Variants in TMEFF2 observed in about 807,000 individuals in gnomAD.
TMEFF2 encodes the protein transmembrane protein with EGF like and two follistatin like domains 2.
Under a neutral mutation model 53.8 loss-of-function variants are expected in TMEFF2, and 28 were observed. The observed-to-expected ratio is 0.52, with a 90% CI of 0.39 to 0.71. The LOEUF (loss-of-function observed/expected upper bound fraction) is 0.71, where lower values mean the gene tolerates loss of function less well. Among genes scored for constraint, TMEFF2 ranks in the 30% least tolerant of loss-of-function variants. TMEFF2 has a pLI of 0.00. For missense variants in TMEFF2, 353 were observed against 455.2 expected (o/e 0.78, Z 2.04); for synonymous variants, 162 against 166.3 (o/e 0.97, Z 0.20).
chr2:192,098,552 T>C (rs1293048934), intron 4 of TMEFF2, among the ~76,000 whole-genome samples: 3 of 152,218 alleles, frequency 2.0e-5, no homozygotes, highest in Non-Finnish European at 1.5e-5. Flanking sequence ...ACCAAGGTAC[T>C]ACCATGTTTT....
chr2:192,144,823 G>A (rs773717632), intron 4 of TMEFF2, among the ~76,000 whole-genome samples: 22 of 151,914 alleles, frequency 1.4e-4, no homozygotes, highest in Non-Finnish European at 2.4e-4. Context: ...TCACTAGTGG[G>A]ATCATATCTA....
At chr2:191,981,773 G>A (rs7600875) in intron 7 of TMEFF2, among the ~76,000 whole-genome samples, 30,137 of 151,912 alleles carry the variant, frequency 0.2, 3,069 homozygotes, top group Non-Finnish European at 0.23. Context: ...TACCAGCATC[G>A]GTAATACATT....
At chr2:192,172,051 A>C (rs1018061759) in intron 4 of TMEFF2, among the ~76,000 whole-genome samples, 1 of 151,928 alleles carries the variant, frequency 6.6e-6, no homozygotes, top group Non-Finnish European at 1.5e-5. Context: ...GCAGCTGAAG[A>C]GAGCTGCCTG....
intron 5 of TMEFF2, among the ~76,000 whole-genome samples, chr2:192,054,848 A>G (rs1185106596): frequency 1.3e-5 from 2 of 152,334 alleles, no homozygotes; most frequent in Non-Finnish European, 2.9e-5. Context: ...TTAGAGTAAA[A>G]TAATAATGGA....
intron 4 of TMEFF2, among the ~76,000 whole-genome samples, chr2:192,115,728 TTA>T (rs1689388793): frequency 6.6e-6 from 1 of 151,974 alleles, no homozygotes; most frequent in Admixed American, 6.6e-5. Context: ...TGGTCAACAG[TTA>T]TATGAAAAGG....
chr2:192,133,002 A>C (rs578220526), intron 4 of TMEFF2, among the ~76,000 whole-genome samples: 74 of 151,768 alleles, frequency 4.9e-4, no homozygotes, highest in Admixed American at 1.5e-3. Context: ...GAGGCTACCC[A>C]CTCCACATTA....
At chr2:192,182,245 T>C (rs139367577) in intron 3 of TMEFF2, among the ~76,000 whole-genome samples, 224 of 151,954 alleles carry the variant, frequency 1.5e-3, no homozygotes, top group African/African-American at 5.0e-3. Context: ...AAAAAATAAA[T>C]GGGAAATATA....
intron 4 of TMEFF2, among the ~76,000 whole-genome samples, chr2:192,059,333 C>T (rs1446646499): frequency 2.6e-5 from 4 of 151,840 alleles, no homozygotes; most frequent in Non-Finnish European, 4.4e-5. Context: ...AAATAGACAG[C>T]ACTTATCTTA....
At chr2:192,180,178 T>G (rs1691151208) in intron 3 of TMEFF2, among the ~76,000 whole-genome samples, 1 of 151,672 alleles carries the variant, frequency 6.6e-6, no homozygotes, top group South Asian at 2.1e-4. Flanking sequence ...TTGATATGTT[T>G]TACGAATACC....
At chr2:192,057,829 C>T in intron 4 of TMEFF2, 54 bp from the exon 5 acceptor site, 1 of 1,370,914 alleles carries the variant, frequency 7.3e-7, no homozygotes, top group Non-Finnish European at 1.0e-6. Flanking sequence ...ATTATATCTA[C>T]AACTCCAGGA....
intron 4 of TMEFF2, among the ~76,000 whole-genome samples, chr2:192,060,855 C>T (rs1688027310): frequency 6.6e-6 from 1 of 151,938 alleles, no homozygotes; most frequent in African/African-American, 2.4e-5. Context: ...TAATTATTTC[C>T]CATTATTTTA....
chr2:192,194,638 G>GGTGGCA lies in TMEFF2; in HGVS notation c.-120_-115dup, dbSNP rs1691562313. 1.6e-6 allele frequency: 2 copies of GGTGGCA among 1,213,036 alleles called. No individual in the cohort carries two copies. Among genetic ancestry groups the GGTGGCA allele is most frequent in the African/African-American group, 1.5e-5 (1 of 66,158 alleles). The allele number at this position is 1,213,036 out of a possible 1,614,324, so 75.1% of individuals were successfully genotyped here. ...GGACGGCGGCAGCAGAGGCGGCGGC[G>GGTGGCA]GTGGCAGTGGCACCCGGCGGGGAAG... On this transcript the variant is annotated 5_prime_UTR_variant, in exon 1 of 10. Transcript: ENST00000272771. This position sits in a 1 kb window ranked among gnomAD's most constrained non-coding sequence, Gnocchi z 4.2.
At chr2:192,053,260 T>C (rs565525046) in intron 5 of TMEFF2, among the ~76,000 whole-genome samples, 2 of 152,312 alleles carry the variant, frequency 1.3e-5, no homozygotes, top group Admixed American at 1.3e-4. Flanking sequence ...ATTTTTTTAT[T>C]CCCATCTCCA....
intron 5 of TMEFF2, among the ~76,000 whole-genome samples, chr2:192,011,595 GAATAT>G (rs1432934231): frequency 6.6e-6 from 1 of 152,156 alleles, no homozygotes; most frequent in Non-Finnish European, 1.5e-5. Context: ...GATGCTACAG[GAATAT>G]AATATGTTTT....
chr2:192,032,854 G>A (rs933060490), intron 5 of TMEFF2, among the ~76,000 whole-genome samples: 3 of 152,172 alleles, frequency 2.0e-5, no homozygotes, highest in African/African-American at 4.8e-5. Flanking sequence ...AGTCGTCTTT[G>A]TGAACAATTG....
chr2:191,975,829 A>T (rs953395258), intron 7 of TMEFF2, among the ~76,000 whole-genome samples: 46 of 152,170 alleles, frequency 3.0e-4, no homozygotes, highest in Non-Finnish European at 5.7e-4. Context: ...AGTTTTACAG[A>T]GCCTCAGGAT....
chr2:192,066,098 G>A (rs1688163368), intron 4 of TMEFF2, among the ~76,000 whole-genome samples: 1 of 151,570 alleles, frequency 6.6e-6, no homozygotes, highest in African/African-American at 2.4e-5. Context: ...ATAAGAACAA[G>A]AAAACACTTT....
chr2:192,056,541 G>A (rs16834147), intron 5 of TMEFF2, among the ~76,000 whole-genome samples: 2,243 of 152,204 alleles, frequency 0.015, 57 homozygotes, highest in African/African-American at 0.05. Flanking sequence ...AAGGTGGGAC[G>A]AATACAGTAG....
chr2:192,135,034 T>A (rs1043209573), intron 4 of TMEFF2, among the ~76,000 whole-genome samples: 1 of 152,212 alleles, frequency 6.6e-6, no homozygotes, highest in African/African-American at 2.4e-5. Flanking sequence ...TTTAAGCTCC[T>A]GTATAGATGC....
Sources: gnomAD v4.1 joint callset for allele counts (sites outside exome capture counted in the v4.1 genomes callset) on GRCh38, gnomAD v4.1.1 for gene constraint, Gnocchi (gnomAD v3.1) non-coding constraint, MANE v1.5 for transcripts, NCBI Gene and HGNC (gene_info 2026-07-23, HGNC 2026-07-21) for gene names.